The following LIPI variants were observed in gnomAD, a reference collection of about 807,000 sequenced individuals.
The protein encoded by LIPI is lipase I.
A neutral mutation model predicts 50.6 loss-of-function variants in LIPI; 59 were observed. The ratio of observed to expected loss-of-function variants is 1.16; its 90% CI spans 0.94 to 1.45. The LOEUF (loss-of-function observed/expected upper bound fraction) is 1.45, where lower values mean the gene tolerates loss of function less well. Among genes scored for constraint, LIPI ranks in the 40% most tolerant of loss-of-function variants. The pLI, the probability that LIPI is intolerant of heterozygous loss-of-function variation, is 0.00. For synonymous variants in LIPI, 203 were observed against 178.2 expected (o/e 1.14, Z -1.11); for missense variants, 586 against 536.3 (o/e 1.09, Z -0.92).
intron 2 of LIPI, among the ~76,000 whole-genome samples, chr21:14,186,557 A>G (rs369069471): frequency 2.0e-5 from 3 of 152,330 alleles, no homozygotes; most frequent in East Asian, 3.9e-4. Flanking sequence ...CAGAAGTAAC[A>G]ACTTTCCCAA....
At chr21:14,184,660 C>A (rs1189635713) in intron 3 of LIPI, among the ~76,000 whole-genome samples, 1 of 152,104 alleles carries the variant, frequency 6.6e-6, no homozygotes, top group East Asian at 1.9e-4. Flanking sequence ...TGTTTGGTGG[C>A]CTTTTAGTAC....
intron 7 of LIPI, among the ~76,000 whole-genome samples, chr21:14,161,512 G>A (rs2018463578): frequency 7.9e-6 from 1 of 126,412 alleles, no homozygotes; most frequent in Admixed American, 9.0e-5. Flanking sequence ...ATAATATATA[G>A]ATATATAGAT....
At chr21:14,169,809 A>G (rs918526842) in intron 4 of LIPI, among the ~76,000 whole-genome samples, 4 of 152,130 alleles carry the variant, frequency 2.6e-5, no homozygotes, top group African/African-American at 7.2e-5. Context: ...AAGAACTAGA[A>G]AAGCAAGAGC....
chr21:14,179,020 G>A (rs1338980293), intron 4 of LIPI, among the ~76,000 whole-genome samples: 1 of 152,030 alleles, frequency 6.6e-6, no homozygotes, highest in Admixed American at 6.6e-5. Context: ...CTTTACCCAT[G>A]CTTCTATAAT....
At chr21:14,196,623 TCAAGA>T (rs2019867984) in intron 1 of LIPI, among the ~76,000 whole-genome samples, 1 of 152,034 alleles carries the variant, frequency 6.6e-6, no homozygotes, top group Admixed American at 6.6e-5. Context: ...GGCTAGGAGT[TCAAGA>T]CAAGCCTGAG....
chr21:14,199,983 C>G (rs1476683378), intron 1 of LIPI, among the ~76,000 whole-genome samples: 1 of 152,018 alleles, frequency 6.6e-6, no homozygotes, highest in Non-Finnish European at 1.5e-5. Flanking sequence ...ATCACATAAA[C>G]AGAACTAAAG....
At chr21:14,117,903 G>C (rs2016715255) in intron 9 of LIPI, among the ~76,000 whole-genome samples, 1 of 152,008 alleles carries the variant, frequency 6.6e-6, no homozygotes, top group South Asian at 2.1e-4. Context: ...CCACAGCCCT[G>C]GTTGAAAGAG....
chr21:14,199,089 G>A (rs567573866), intron 1 of LIPI, among the ~76,000 whole-genome samples: 2 of 152,196 alleles, frequency 1.3e-5, no homozygotes, highest in South Asian at 4.1e-4. Context: ...TTGGGACACA[G>A]CTAAGGCAGT....
intron 9 of LIPI, among the ~76,000 whole-genome samples, chr21:14,139,332 AC>A (rs2017619411): frequency 1.3e-5 from 2 of 152,276 alleles, no homozygotes; most frequent in Admixed American, 1.3e-4. Flanking sequence ...TCAACAATAT[AC>A]TTTTTTTACA....
intron 9 of LIPI, among the ~76,000 whole-genome samples, chr21:14,129,821 AAG>A (rs1309887815): frequency 2.7e-5 from 4 of 148,514 alleles, no homozygotes. Context: ...AAAAAAAAAA[AAG>A]CTTATTTCTC....
At position 14,186,049 on chromosome 21, in the gene LIPI, G is replaced by C. The variant is rs767230140; in HGVS notation, c.453C>G (p.Asp151Glu). 5 of 1,591,814 alleles carry C rather than the reference G, an allele frequency of 3.1e-6. No individual in the cohort carries two copies. In the East Asian group the frequency reaches 1.1e-4, roughly 36 times the overall value. Reference sequence around the variant, plus strand: ...AGCTCACACCTATGAAATGAAAATTGTCAAGAGATGCACCATGCTTCTGCA... The same window carrying C: ...AGCTCACACCTATGAAATGAAAATTCTCAAGAGATGCACCATGCTTCTGCA... ...KNLLKHGASL[D>E]NFHFIGVSLG... The change falls in exon 3 of 10, where the codon GAC (aspartate) becomes GAG (glutamate). Residue 151 changes from aspartate to glutamate, a missense_variant. Coordinates refer to ENST00000681601, the MANE Select transcript of LIPI (RefSeq NM_001302998.2).
intron 7 of LIPI, among the ~76,000 whole-genome samples, chr21:14,156,528 C>T (rs1252916978): frequency 2.6e-5 from 4 of 151,906 alleles, no homozygotes; most frequent in African/African-American, 9.7e-5. Context: ...GACTTTAGCA[C>T]AGTGACATCT....
At chr21:14,174,904 T>C (rs1269509295) in intron 4 of LIPI, among the ~76,000 whole-genome samples, 1 of 152,242 alleles carries the variant, frequency 6.6e-6, no homozygotes, top group East Asian at 1.9e-4. Flanking sequence ...ATAGTTTAGA[T>C]TTCACCTTTG....
rs2018415623 is a variant in LIPI, at chr21:14,160,262, G to T, written c.1006+3157C>A. On this transcript the variant is annotated intron_variant, in intron 7 of 9. Transcript: ENST00000681601. ...AGCTACATTAATTAAATGCTATGTG[G>T]TACTAGAAAAAGAAATGAACACATA... Among the ~76,000 whole-genome samples, 3 of 151,006 alleles carry T rather than the reference G, an allele frequency of 2.0e-5. No homozygotes were observed. The South Asian group carries it at 6.2e-4, about 31-fold the overall frequency.
chr21:14,187,686 C>G (rs1283000764), intron 2 of LIPI, among the ~76,000 whole-genome samples: 3 of 152,018 alleles, frequency 2.0e-5, no homozygotes, highest in African/African-American at 4.8e-5. Context: ...AATCAATTAC[C>G]TCCTCTGTCT....
At chr21:14,142,544 C>G (rs2017750383) in intron 9 of LIPI, among the ~76,000 whole-genome samples, 1 of 150,812 alleles carries the variant, frequency 6.6e-6, no homozygotes. Context: ...AGTGCAGTGG[C>G]ACAATTATGG....
chr21:14,187,972 C>T (rs1045938853), intron 2 of LIPI, among the ~76,000 whole-genome samples: 9 of 152,226 alleles, frequency 5.9e-5, no homozygotes, highest in South Asian at 4.2e-4. Context: ...CTACATATAA[C>T]GGCTTCTTGG....
intron 1 of LIPI, among the ~76,000 whole-genome samples, chr21:14,197,744 C>G (rs1440881674): frequency 6.6e-6 from 1 of 151,906 alleles, no homozygotes; most frequent in Non-Finnish European, 1.5e-5. Flanking sequence ...GAGAGGCCAA[C>G]ATTCAAATTC....
chr21:14,111,877 G>T (rs1370415761), intron 9 of LIPI, among the ~76,000 whole-genome samples: 2 of 151,880 alleles, frequency 1.3e-5, no homozygotes, highest in Admixed American at 6.6e-5. Flanking sequence ...GATTCAGGGG[G>T]TACATGTGCA....
Sources: gnomAD v4.1 joint callset for allele counts (sites outside exome capture counted in the v4.1 genomes callset) on GRCh38, gnomAD v4.1.1 for gene constraint, MANE v1.5 for transcripts, NCBI Gene and HGNC (gene_info 2026-07-23, HGNC 2026-07-21) for gene names.